Variants in USH2A observed in about 807,000 individuals in gnomAD.
USH2A encodes Usher syndrome 2A (autosomal recessive, mild).
A neutral mutation model predicts 538.9 loss-of-function variants in USH2A; 443 were observed. That is an observed-to-expected ratio of 0.82 (90% CI 0.76 to 0.89). The LOEUF (loss-of-function observed/expected upper bound fraction) is 0.89. Ranked by LOEUF, USH2A falls within the 40% of genes least tolerant of loss-of-function variation. USH2A has a pLI of 0.00. For missense variants in USH2A, 6,633 were observed against 6,324.8 expected (o/e 1.05, Z -1.65); for synonymous variants, 2,413 against 2,273.5 (o/e 1.06, Z -1.75).
At chr1:215,836,758 A>G (rs1035788080) in intron 47 of USH2A, among the ~76,000 whole-genome samples, 18 of 147,754 alleles carry the variant, frequency 1.2e-4, no homozygotes, top group African/African-American at 4.0e-4. Context: ...GGGTTTCACC[A>G]TGTTAGCCAG....
At chr1:215,974,688 T>C (rs1667581421) in intron 35 of USH2A, among the ~76,000 whole-genome samples, 1 of 152,152 alleles carries the variant, frequency 6.6e-6, no homozygotes, top group African/African-American at 2.4e-5. Context: ...TTTCTGTGGT[T>C]GTATAGTATT....
At chr1:216,207,642 A>T (rs2035145963) in intron 15 of USH2A, among the ~76,000 whole-genome samples, 1 of 152,016 alleles carries the variant, frequency 6.6e-6, no homozygotes, top group African/African-American at 2.4e-5. Flanking sequence ...TTTTTAGGTC[A>T]AAGCAGCTGG....
At position 215,930,123 on chromosome 1, in the gene USH2A, T is replaced by A. The variant is rs1005232210; in HGVS notation, c.7300+4493A>T. On this transcript the variant is annotated intron_variant, in intron 38 of 71. Transcript: ENST00000307340. ...CAACTTAAAAGTACAAATGACAAATTATTTACTCTCAGAGGAAAATTGGAT... is the reference window on the plus strand; with the variant it reads ...CAACTTAAAAGTACAAATGACAAATAATTTACTCTCAGAGGAAAATTGGAT... Among the ~76,000 whole-genome samples the A allele has an allele frequency of 5.9e-5, 9 of 152,034 alleles. No homozygotes were observed. The East Asian group carries it at 1.5e-3, about 26-fold the overall frequency.
chr1:216,343,175 C>T (rs1030512576), intron 4 of USH2A, among the ~76,000 whole-genome samples: 3 of 151,842 alleles, frequency 2.0e-5, no homozygotes, highest in African/African-American at 7.3e-5. Context: ...ACAGATTATA[C>T]AGAACTAAAG....
intron 51 of USH2A, among the ~76,000 whole-genome samples, chr1:215,788,843 C>T (rs183095654): frequency 2.6e-4 from 40 of 152,088 alleles, no homozygotes; most frequent in Non-Finnish European, 2.4e-4. Flanking sequence ...ATACATTAAG[C>T]TTTTAAAAAA....
chr1:215,952,336 T>A (rs1049596260), intron 37 of USH2A, among the ~76,000 whole-genome samples: 1 of 152,250 alleles, frequency 6.6e-6, no homozygotes, highest in African/African-American at 2.4e-5. Context: ...TTTATCCAAT[T>A]TGCCAGTCTG....
In USH2A at chr1:216,097,085, G is replaced by A; in HGVS notation, c.4756C>T (p.Gln1586Ter). 6.2e-7 allele frequency: 1 copy of A among 1,613,656 alleles called. No individual in the cohort carries two copies. Among genetic ancestry groups the A allele is most frequent in the Non-Finnish European group, 8.5e-7 (1 of 1,179,756 alleles). Reference sequence around the variant, plus strand: ...AAAGTTTATGATTTCTCATTTACCTGAGGATCAAAAAGAAAATAAAGACGT... The same window carrying A: ...AAAGTTTATGATTTCTCATTTACCTAAGGATCAAAAAGAAAATAAAGACGT... ...KGRLYFLFDP[Q>*]GSPVEVTTTN... is the part of the protein sequence containing the mutation. Residue 1586 changes from glutamine (Q) to a stop codon, truncating the protein, a stop_gained and splice_region_variant, in exon 22 of 72, where the codon CAG (glutamine) becomes TAG (stop). Coordinates refer to ENST00000307340, the MANE Select transcript of USH2A (RefSeq NM_206933.4). LOFTEE classifies it high-confidence loss of function.
chr1:215,709,304 A>T (rs536157064), intron 61 of USH2A, among the ~76,000 whole-genome samples: 3 of 152,324 alleles, frequency 2.0e-5, no homozygotes, highest in Admixed American at 2.0e-4. Context: ...TATAGTGTAA[A>T]TGATACTATT....
chr1:216,188,776 A>AT (rs1290669221), intron 20 of USH2A, among the ~76,000 whole-genome samples: 1 of 151,896 alleles, frequency 6.6e-6, no homozygotes, highest in African/African-American at 2.4e-5. Flanking sequence ...ACACTAGATT[A>AT]TTTTTACATG....
intron 40 of USH2A, among the ~76,000 whole-genome samples, chr1:215,891,897 G>A (rs538918568): frequency 1.3e-5 from 2 of 152,224 alleles, no homozygotes; most frequent in African/African-American, 4.8e-5. Context: ...ACTCCCTCTT[G>A]GAGCTGGGAA....
At chr1:216,323,375 A>T in intron 8 of USH2A, 99 bp downstream of exon 8, 1 of 1,211,180 alleles carries the variant, frequency 8.3e-7, no homozygotes, top group Non-Finnish European at 1.2e-6. Flanking sequence ...TCATTTCAAA[A>T]TGTAAAGCTT....
intron 4 of USH2A, among the ~76,000 whole-genome samples, chr1:216,328,202 C>A (rs895413669): frequency 6.6e-6 from 1 of 152,092 alleles, no homozygotes; most frequent in East Asian, 1.9e-4. Flanking sequence ...CTGTGTCATT[C>A]ACATATATCA....
At chr1:216,080,995 A>G (rs1335615607) in intron 26 of USH2A, among the ~76,000 whole-genome samples, 1 of 152,012 alleles carries the variant, frequency 6.6e-6, no homozygotes, top group African/African-American at 2.4e-5. Flanking sequence ...TACATCTAAA[A>G]TATATTAGAA....
intron 9 of USH2A, among the ~76,000 whole-genome samples, chr1:216,293,281 C>A (rs1200501548): frequency 6.6e-6 from 1 of 152,206 alleles, no homozygotes; most frequent in Non-Finnish European, 1.5e-5. Context: ...ACCTCGGCCG[C>A]CCAAAGTGCT....
chr1:216,401,523 A>T (rs1051144668), intron 3 of USH2A, among the ~76,000 whole-genome samples: 12 of 152,112 alleles, frequency 7.9e-5, no homozygotes, highest in Non-Finnish European at 1.5e-4. Flanking sequence ...CTTAATTTTT[A>T]AAAAAGTATC....
chr1:216,356,970 T>TTTGAA (rs1431795075), intron 4 of USH2A, among the ~76,000 whole-genome samples: 1 of 152,118 alleles, frequency 6.6e-6, no homozygotes, highest in African/African-American at 2.4e-5. Flanking sequence ...ATAATCGTTG[T>TTTGAA]TTGAATTTTA....
chr1:216,167,272 G>A (rs1049350875), intron 21 of USH2A, among the ~76,000 whole-genome samples: 2 of 152,058 alleles, frequency 1.3e-5, no homozygotes, highest in African/African-American at 4.8e-5. Flanking sequence ...CAACCGTCAG[G>A]TGATAATTGT....
chr1:216,214,985 T>A (rs2035315476), intron 15 of USH2A, among the ~76,000 whole-genome samples: 1 of 152,060 alleles, frequency 6.6e-6, no homozygotes, highest in South Asian at 2.1e-4. Context: ...TTGCTTCCTA[T>A]CAAGAAGAAT....
In USH2A at chr1:216,323,506, A is replaced by G. The variant is rs2037659435; in HGVS notation, c.1518T>C (p.Tyr506=). The G allele has an allele frequency of 1.2e-6, 2 of 1,613,374 alleles. No individual in the cohort carries two copies. Among genetic ancestry groups the G allele is most frequent in the Non-Finnish European group, 1.7e-6 (2 of 1,179,708 alleles). Residue 506 remains tyrosine, a synonymous_variant, in exon 8 of 72, where the codon TAT becomes TAC. Coordinates refer to ENST00000307340, the MANE Select transcript of USH2A (RefSeq NM_206933.4). ...TETAVNLRHR[Y]YAVDEITISG... is the part of the protein sequence containing the mutation. Reference sequence around the variant, plus strand: ...TAATGGTGATTTCGTCCACTGCATAATATCTGTGTCTGAGGTTAACAGCAG... The same window carrying G: ...TAATGGTGATTTCGTCCACTGCATAGTATCTGTGTCTGAGGTTAACAGCAG...
Sources: allele counts gnomAD v4.1 joint callset (sites outside exome capture counted in the v4.1 genomes callset), GRCh38; gene constraint gnomAD v4.1.1; transcripts MANE v1.5; gene names NCBI Gene and HGNC (gene_info 2026-07-23, HGNC 2026-07-21).